Variants in CLTCL1 observed in about 807,000 individuals in gnomAD.
CLTCL1 encodes clathrin heavy chain like 1, also known as clathrin heavy chain 2.
CLTCL1 carries 159 observed loss-of-function variants against 190.0 expected under a neutral mutation model. The ratio of observed to expected loss-of-function variants is 0.84; its 90% CI spans 0.74 to 0.95. The LOEUF is 0.95. CLTCL1 is among the 40% of genes least tolerant of loss of function. The pLI is 0.00. For missense variants in CLTCL1, 1,878 were observed against 2,033.4 expected, an observed-to-expected ratio of 0.92 and a Z score of 1.47; for synonymous variants, 752 against 769.6, an observed-to-expected ratio of 0.98 and a Z score of 0.38.
At chr22:19,194,413 C>T (rs2084625883) in intron 26 of CLTCL1, among the ~76,000 whole-genome samples, 1 of 152,086 alleles carries the variant, frequency 6.6e-6, no homozygotes, top group African/African-American at 2.4e-5. Flanking sequence ...GGCTGGGAGG[C>T]GGAGGTTGCA....
At chr22:19,284,078 G>A (rs1488242303) in intron 1 of CLTCL1, among the ~76,000 whole-genome samples, 1 of 152,036 alleles carries the variant, frequency 6.6e-6, no homozygotes, top group African/African-American at 2.4e-5. Context: ...CTATGTATAA[G>A]GGGCTTAAGG....
At chr22:19,196,776 T>A in intron 24 of CLTCL1, 120 bp from the exon 25 acceptor site, 3 of 1,162,564 alleles carry the variant, frequency 2.6e-6, no homozygotes, top group Non-Finnish European at 3.6e-6. Flanking sequence ...CGAGGAGGCA[T>A]GTGTGAAGAA....
chr22:19,201,480 C>T lies in CLTCL1; in HGVS notation c.3614G>A (p.Cys1205Tyr), dbSNP rs1555939483. Residue 1205 changes from cysteine (C) to tyrosine (Y), a missense_variant, in exon 23 of 33, where the codon TGT becomes TAT. Cys to Tyr is a radical substitution (Grantham distance 194). Transcript: ENST00000427926. ...AGCCTCGTACATTCCCTCCTCGTAA[C>T]AGCGGTCTCCAACCTACGGATAATA... ...NAHIQQVGDRCYEEGMYEAAK... is the reference protein window; with the variant it reads ...NAHIQQVGDRYYEEGMYEAAK... The T allele has an allele frequency of 6.2e-7, 1 of 1,613,064 alleles. No homozygotes were observed. Among genetic ancestry groups the T allele is most frequent in the African/African-American group, 1.3e-5 (1 of 74,932 alleles).
At chr22:19,251,677 C>T (rs1555970115) in intron 3 of CLTCL1, among the ~76,000 whole-genome samples, 1 of 152,070 alleles carries the variant, frequency 6.6e-6, no homozygotes, top group African/African-American at 2.4e-5. Flanking sequence ...AGGATGGTCT[C>T]AATCTCCTGA....
chr22:19,201,895 A>G (rs2084899059), intron 22 of CLTCL1, among the ~76,000 whole-genome samples: 2 of 152,028 alleles, frequency 1.3e-5, no homozygotes, highest in African/African-American at 4.8e-5. Context: ...TCCTGATGCC[A>G]TTTACAAATC....
Position 19,233,314 on chromosome 22 carries a change from T to G in CLTCL1, c.1373A>C (p.Glu458Ala). 1 of 1,612,364 alleles carries G rather than the reference T, an allele frequency of 6.2e-7. No homozygotes were observed. Among genetic ancestry groups the G allele is most frequent in the African/African-American group, 1.3e-5 (1 of 75,030 alleles). The change falls in exon 9 of 33, where the codon GAG becomes GCG. Residue 458 changes from glutamate to alanine, a missense_variant. By Grantham distance (107) the Glu-to-Ala change is moderately radical. Transcript: ENST00000427926. ...LEKWLKEDKLECSEELGDLVK... is the reference protein window; with the variant it reads ...LEKWLKEDKLACSEELGDLVK... ...CAAGTCTCCGAGCTCCTCTGAGCACTCCAGCTGTGGTATGCCAAGGGACAA... is the reference window on the plus strand; with the variant it reads ...CAAGTCTCCGAGCTCCTCTGAGCACGCCAGCTGTGGTATGCCAAGGGACAA...
At position 19,254,228 on chromosome 22, in the gene CLTCL1, C is replaced by G; in HGVS notation, c.251-1G>C. The G allele has an allele frequency of 6.2e-7, 1 of 1,607,790 alleles. No homozygotes were observed. The highest frequency in any genetic ancestry group is 8.5e-7 in the Non-Finnish European group (1 of 1,174,758). On this transcript the variant is annotated splice_acceptor_variant, in intron 2 of 32. Coordinates refer to ENST00000427926, the MANE Select transcript of CLTCL1 (RefSeq NM_007098.4). LOFTEE classifies it high-confidence loss of function. ...TTAAAGATCTGAAGTGTCTTCCCAG[C>G]TAGTATTTGATATAATAGAGATTAG...
intron 2 of CLTCL1, among the ~76,000 whole-genome samples, chr22:19,265,078 C>T (rs983400060): frequency 3.3e-5 from 5 of 152,068 alleles, no homozygotes. Flanking sequence ...TGTGAGCCAC[C>T]GTGCCCAGCC....
chr22:19,183,987 A>G (rs564813619), intron 29 of CLTCL1: 2 of 333,452 alleles, frequency 6.0e-6, no homozygotes, highest in Non-Finnish European at 1.1e-5. Flanking sequence ...ACACCAGGGG[A>G]GCAGTTAGGA....
At chr22:19,226,118 G>A in intron 12 of CLTCL1, 101 bp downstream of exon 12, 1 of 1,346,246 alleles carries the variant, frequency 7.4e-7, no homozygotes, top group African/African-American at 1.4e-5. Flanking sequence ...GACAGGCTCA[G>A]GCCACAGTTC....
intron 22 of CLTCL1, chr22:19,207,428 A>G (rs2085084609): frequency 2.5e-6 from 1 of 397,054 alleles, no homozygotes; most frequent in Admixed American, 4.4e-5. Context: ...CATCTCTTCT[A>G]GGAGAATTAT....
chr22:19,200,767 G>A lies in CLTCL1; in HGVS notation c.3765+562C>T, dbSNP rs183582848. ...TGAGGCAGGAGAATGGTGTGAACCC[G>A]GGAGGCAGAGCTTGCAGTGAGCCGA... On this transcript the variant is annotated intron_variant, in intron 23 of 32. Coordinates refer to ENST00000427926, the MANE Select transcript of CLTCL1 (RefSeq NM_007098.4). Among the ~76,000 whole-genome samples the A allele has an allele frequency of 8.2e-4, 125 of 152,272 alleles. 3 individuals carry two copies. In the East Asian group the frequency reaches 0.02, roughly 25 times the overall value.
intron 1 of CLTCL1, among the ~76,000 whole-genome samples, chr22:19,281,975 G>C (rs1435569264): frequency 6.6e-6 from 1 of 152,170 alleles, no homozygotes; most frequent in Non-Finnish European, 1.5e-5. Flanking sequence ...AAGACTATTA[G>C]AATCAGATTA....
At chr22:19,186,613 T>TTA (rs1555928445) in intron 29 of CLTCL1, among the ~76,000 whole-genome samples, 1 of 151,648 alleles carries the variant, frequency 6.6e-6, no homozygotes, top group Non-Finnish European at 1.5e-5. Context: ...TCCTTTTTTT[T>TTA]TTTCCGAGAC....
At position 19,233,581 on chromosome 22, in the gene CLTCL1, A is replaced by G. The variant is rs781830849; in HGVS notation, c.1209T>C (p.Ser403=). The G allele has an allele frequency of 6.2e-7, 1 of 1,613,636 alleles. No homozygotes were observed. Among genetic ancestry groups the G allele is most frequent in the Non-Finnish European group, 8.5e-7 (1 of 1,179,892 alleles). ...AAGCCTGGCCAGACTGAGCGGGTAT[A>G]CTCTGGAATTTCTGGACCGTCTCTC... ...RTRETVQKFQ[S]IPAQSGQASP... is the part of the protein sequence containing the mutation. Residue 403 remains serine, a synonymous_variant, in exon 8 of 33, where the codon AGT becomes AGC. Coordinates refer to ENST00000427926, the MANE Select transcript of CLTCL1 (RefSeq NM_007098.4).
intron 22 of CLTCL1, among the ~76,000 whole-genome samples, chr22:19,202,242 T>C (rs1455775709): frequency 1.3e-5 from 2 of 152,056 alleles, no homozygotes; most frequent in Non-Finnish European, 2.9e-5. Context: ...GCTAGTTCTC[T>C]GCCCATTCCA....
At position 19,239,350 on chromosome 22, in the gene CLTCL1, G is replaced by T. The variant is rs992928574; in HGVS notation, c.720C>A (p.Asn240Lys). 1 of 1,613,920 alleles carries T rather than the reference G, an allele frequency of 6.2e-7. No individual in the cohort carries two copies. The highest frequency in any genetic ancestry group is 1.3e-5 in the African/African-American group (1 of 74,930). ...CTACTGCTTTCTTTACAAAAGGTTG[G>T]TTTCCCGCTGCAGGCTGTCCAACTT... ...IIEVGQPAAG[N>K]QPFVKKAVDV... Residue 240 changes from asparagine to lysine, a missense_variant, in exon 5 of 33, where the codon AAC (asparagine) becomes AAA (lysine). Asn to Lys is a moderately conservative substitution (Grantham distance 94). Transcript: ENST00000427926.
intron 26 of CLTCL1, among the ~76,000 whole-genome samples, chr22:19,194,241 G>C (rs1463548827): frequency 3.3e-5 from 5 of 152,166 alleles, no homozygotes; most frequent in Admixed American, 2.6e-4. Flanking sequence ...AGAAGTCCAG[G>C]TGGCGTCACC....
intron 18 of CLTCL1, among the ~76,000 whole-genome samples, chr22:19,217,470 GC>G (rs1204235327): frequency 3.3e-5 from 5 of 152,074 alleles, no homozygotes; most frequent in Admixed American, 3.3e-4. Flanking sequence ...CAAAAAAGTA[GC>G]CGGGCGTGGT....
Sources: gnomAD v4.1 joint callset for allele counts (sites outside exome capture counted in the v4.1 genomes callset) on GRCh38, gnomAD v4.1.1 for gene constraint, MANE v1.5 for transcripts, NCBI Gene and HGNC (gene_info 2026-07-23, HGNC 2026-07-21) for gene names.